ST7: variants seen among roughly 807,000 people sequenced by gnomAD.
ST7 encodes the protein suppression of tumorigenicity 7, also known as suppressor of tumorigenicity 7 protein.
Under a neutral mutation model 78.7 loss-of-function variants are expected in ST7, and 28 were observed. The observed-to-expected ratio is 0.36, with a 90% CI of 0.26 to 0.49. The LOEUF (loss-of-function observed/expected upper bound fraction) is 0.49, where lower values mean the gene tolerates loss of function less well. Among genes scored for constraint, ST7 ranks in the 20% least tolerant of loss-of-function variants. ST7 has a pLI of 0.99. For missense variants in ST7, 418 were observed against 696.0 expected, an observed-to-expected ratio of 0.60 and a Z score of 4.49; for synonymous variants, 247 against 249.6, an observed-to-expected ratio of 0.99 and a Z score of 0.10.
intron 3 of ST7, among the ~76,000 whole-genome samples, chr7:117,123,113 AT>A (rs1397123858): frequency 6.6e-6 from 1 of 152,202 alleles, no homozygotes; most frequent in Non-Finnish European, 1.5e-5. Context: ...GAAATATAAC[AT>A]GGCTCACAAA....
rs199876276 is a variant in ST7 at position 117,170,680 on chromosome 7, C to CAAAT, written c.964-167_964-164dup. Among the ~76,000 whole-genome samples, 344 of 151,940 alleles carry CAAAT rather than the reference C, an allele frequency of 2.3e-3. 2 individuals are homozygous for CAAAT. Among genetic ancestry groups the CAAAT allele is most frequent in the African/African-American group, 8.0e-3 (332 of 41,444 alleles). The stretch of plus-strand genomic sequence containing the variant: ...TGGGCGACAGAGCAAGACTCCATCT[C>CAAAT]AAATAAATAAATAAATAAGAAATAC... On this transcript the variant is annotated intron_variant, in intron 9 of 15. Coordinates refer to ENST00000323984, the MANE Select transcript of ST7 (RefSeq NM_001369598.1).
chr7:117,026,901 C>T (rs1282585037), intron 1 of ST7, among the ~76,000 whole-genome samples: 1 of 152,026 alleles, frequency 6.6e-6, no homozygotes, highest in Admixed American at 6.6e-5. Context: ...TTTAAGGGAC[C>T]CAATAGGAGG....
At chr7:117,194,789 C>T (rs1236117271) in intron 12 of ST7, among the ~76,000 whole-genome samples, 1 of 152,220 alleles carries the variant, frequency 6.6e-6, no homozygotes, top group East Asian at 1.9e-4. Context: ...TGCTCTTCCT[C>T]AGCAGTCTTG....
rs1435767045 is a variant in ST7, at chr7:117,191,707, G to T, written c.1254+771G>T. 3 of 152,288 alleles carry T rather than the reference G, an allele frequency of 2.0e-5. No homozygotes were observed. The East Asian group carries it at 5.8e-4, about 29-fold the overall frequency. 9.4% of individuals were successfully genotyped at this position (152,288 alleles called of 1,614,324 possible). Reference sequence around the variant, plus strand: ...AAAAAGTAGCTGAGAGCCACTTTCAGTCCCGCTATTAAGTACATTTTGGCC... The same window carrying T: ...AAAAAGTAGCTGAGAGCCACTTTCATTCCCGCTATTAAGTACATTTTGGCC... On this transcript the variant is annotated intron_variant, in intron 12 of 15. Transcript: ENST00000323984.
At chr7:117,027,456 G>GTAACGTAAAAAT (rs1796244639) in intron 1 of ST7, among the ~76,000 whole-genome samples, 1 of 123,378 alleles carries the variant, frequency 8.1e-6, no homozygotes, top group African/African-American at 3.8e-5. Context: ...GAAAAGTAAA[G>GTAACGTAAAAAT]TAAAGTAAAA....
At chr7:116,993,114 C>T (rs1336254107) in intron 1 of ST7, among the ~76,000 whole-genome samples, 7 of 152,188 alleles carry the variant, frequency 4.6e-5, no homozygotes, top group Admixed American at 4.6e-4. Context: ...TCTGAGCCTT[C>T]CAAACTGTTT....
At chr7:117,174,487 GT>G (rs1373045264) in intron 10 of ST7, among the ~76,000 whole-genome samples, 1 of 152,142 alleles carries the variant, frequency 6.6e-6, no homozygotes, top group African/African-American at 2.4e-5. Context: ...CCATGTAGAT[GT>G]GATGTTATGA....
chr7:117,014,942 AT>A, intron 1 of ST7: 1 of 1,320,548 alleles, frequency 7.6e-7, no homozygotes, highest in South Asian at 2.4e-5. Flanking sequence ...GAGCCGTTTC[AT>A]TTTCTGGCTG....
At chr7:116,956,763 C>T (rs549837049) in intron 1 of ST7, 213 of 416,866 alleles carry the variant, frequency 5.1e-4, no homozygotes, top group African/African-American at 4.3e-3. Context: ...ATTTAGATGC[C>T]TCCTAATGTA....
At chr7:116,957,084 C>A (rs1490099291) in intron 1 of ST7, 1 of 164,250 alleles carries the variant, frequency 6.1e-6, no homozygotes, top group Non-Finnish European at 1.3e-5. Flanking sequence ...TTAGCTCTTA[C>A]ATCGTGTAGT....
chr7:117,120,296 T>C (rs1435665393), intron 3 of ST7, among the ~76,000 whole-genome samples: 1 of 152,048 alleles, frequency 6.6e-6, no homozygotes, highest in East Asian at 1.9e-4. Context: ...CCTGATGCTA[T>C]AGCTTCCTTG....
chr7:117,150,965 A>G (rs116722587), intron 9 of ST7, among the ~76,000 whole-genome samples: 5 of 152,134 alleles, frequency 3.3e-5, no homozygotes, highest in Non-Finnish European at 7.4e-5. Flanking sequence ...CACCTTTCAC[A>G]TTCAATTAAT....
At position 117,189,327 on chromosome 7, in the gene ST7, G is replaced by A. The variant is rs1584550248; in HGVS notation, c.1085G>A (p.Ser362Asn). Residue 362 changes from serine (S) to asparagine (N), a missense_variant, in exon 11 of 16, where the codon AGC becomes AAC. Around this residue, in one of 4 missense-constraint regions of ST7, gnomAD observed 288 missense variants for 537.1 expected, o/e 0.54. Coordinates refer to ENST00000323984, the MANE Select transcript of ST7 (RefSeq NM_001369598.1). Reference sequence around the variant, plus strand: ...CTTTCTTTTTCTCCAACAGATATAAGCTTACCAAAGTCAGCAACAATATGC... The same window carrying A: ...CTTTCTTTTTCTCCAACAGATATAAACTTACCAAAGTCAGCAACAATATGC... ...QAVLAKYDDI[S>N]LPKSATICYT... 6.2e-7 allele frequency: 1 copy of A among 1,607,998 alleles called. No homozygotes were observed. Among genetic ancestry groups the A allele is most frequent in the Non-Finnish European group, 8.5e-7 (1 of 1,176,734 alleles).
chr7:117,174,104 T>G (rs1488101982), intron 10 of ST7, among the ~76,000 whole-genome samples: 2 of 152,232 alleles, frequency 1.3e-5, no homozygotes, highest in Non-Finnish European at 2.9e-5. Context: ...CCATGTAGTC[T>G]GCAGTCTGAT....
At position 117,190,608 on chromosome 7, in the gene ST7, G is replaced by T. The variant is rs561506663; in HGVS notation, c.1152-226G>T. The stretch of plus-strand genomic sequence containing the variant: ...CCATTTAGACAGAGACTTGACAGCC[G>T]AATTTAACTCCTGCCATGACTAGAT... On this transcript the variant is annotated intron_variant, in intron 11 of 15. Transcript: ENST00000323984. The surrounding 1 kb of genome is among the most constrained non-coding windows in gnomAD (Gnocchi z 5.2). Among the ~76,000 whole-genome samples, 1 of 152,174 alleles carries T rather than the reference G, an allele frequency of 6.6e-6. No homozygotes were observed. The highest frequency in any genetic ancestry group is 2.1e-4 in the South Asian group (1 of 4,832).
At chr7:117,149,999 T>C (rs1420811260) in intron 9 of ST7, among the ~76,000 whole-genome samples, 2 of 152,188 alleles carry the variant, frequency 1.3e-5, no homozygotes, top group East Asian at 1.9e-4. Flanking sequence ...TTGTGGACTA[T>C]ACACCTGACT....
intron 1 of ST7, among the ~76,000 whole-genome samples, chr7:116,971,429 C>A (rs886474585): frequency 1.3e-5 from 2 of 151,870 alleles, no homozygotes; most frequent in African/African-American, 4.8e-5. Flanking sequence ...GTCACATGAT[C>A]CATTCTGTAA....
intron 1 of ST7, 114 bp from the exon 2 acceptor site, chr7:117,099,648 T>C (rs1770618078): frequency 1.4e-6 from 1 of 718,520 alleles, no homozygotes; most frequent in African/African-American, 1.8e-5. Flanking sequence ...GTTCTAAGAA[T>C]TATCATCATC....
chr7:117,209,070 A>G (rs1439169113), intron 12 of ST7, among the ~76,000 whole-genome samples: 1 of 152,006 alleles, frequency 6.6e-6, no homozygotes, highest in Non-Finnish European at 1.5e-5. Context: ...AAAAATGGAA[A>G]CGTAGTCTTT....
Sources: gnomAD v4.1 joint callset for allele counts (sites outside exome capture counted in the v4.1 genomes callset) on GRCh38, gnomAD v4.1.1 for gene constraint, gnomAD v4.1.1 regional missense constraint, Gnocchi (gnomAD v3.1) non-coding constraint, MANE v1.5 for transcripts, NCBI Gene and HGNC (gene_info 2026-07-23, HGNC 2026-07-21) for gene names.